Variants in MIDEAS observed in about 807,000 individuals in gnomAD.
The protein encoded by MIDEAS is mitotic deacetylase-associated SANT domain protein.
Under a neutral mutation model 102.7 loss-of-function variants are expected in MIDEAS, and 26 were observed. The ratio of observed to expected loss-of-function variants is 0.25; its 90% CI spans 0.19 to 0.35. The LOEUF (loss-of-function observed/expected upper bound fraction) is 0.35. Among genes scored for constraint, MIDEAS ranks in the 10% least tolerant of loss-of-function variants. The pLI, the probability that MIDEAS is intolerant of heterozygous loss-of-function variation, is 1.00. For missense variants in MIDEAS, 1,231 were observed against 1,435.6 expected (o/e 0.86, Z 2.30); for synonymous variants, 585 against 591.0 (o/e 0.99, Z 0.15).
At position 73,739,313 on chromosome 14, in the gene MIDEAS, C is replaced by T. The variant is rs766828024; in HGVS notation, c.696G>A (p.Gln232=). The change falls in exon 2 of 13, where the codon CAG becomes CAA. Residue 232 remains glutamine (Q), a synonymous_variant. Coordinates refer to ENST00000423556, the MANE Select transcript of MIDEAS (RefSeq NM_001367710.1). ...GHQVNRQVFR[Q]GPPPPNPVAA... ...CCACCGGGTTTGGGGGCGGTGGGCCCTGCCGGAAGACCTGCCGGTTCACCT... is the reference window on the plus strand; with the variant it reads ...CCACCGGGTTTGGGGGCGGTGGGCCTTGCCGGAAGACCTGCCGGTTCACCT... 1.9e-6 allele frequency: 3 copies of T among 1,610,292 alleles called. No homozygotes were observed. The highest frequency in any genetic ancestry group is 2.5e-6 in the Non-Finnish European group (3 of 1,178,808).
intron 1 of MIDEAS, among the ~76,000 whole-genome samples, chr14:73,757,133 G>A (rs1272512532): frequency 1.3e-5 from 2 of 151,774 alleles, no homozygotes; most frequent in East Asian, 3.9e-4. Flanking sequence ...TTAGCCAGGT[G>A]TGGTGATGTG....
chr14:73,740,281 G>A (rs775077034), intron 1 of MIDEAS, 26 bp from the exon 2 acceptor site: 8 of 406,070 alleles, frequency 2.0e-5, no homozygotes, highest in Non-Finnish European at 3.0e-5. Flanking sequence ...CAGTGACAGT[G>A]TCAGCCACAG....
chr14:73,728,254 T>TAAAAAAAAAAA (rs11318877), intron 4 of MIDEAS: 1 of 127,970 alleles, frequency 7.8e-6, no homozygotes, highest in African/African-American at 3.0e-5. Flanking sequence ...CTCCTTTGCT[T>TAAAAAAAAAAA]AAAAAAAAAA....
intron 1 of MIDEAS, among the ~76,000 whole-genome samples, chr14:73,772,749 T>C (rs1451700850): frequency 6.6e-6 from 1 of 151,206 alleles, no homozygotes; most frequent in East Asian, 1.9e-4. Flanking sequence ...AGAGCAATAC[T>C]AATAGATCAA....
chr14:73,784,602 C>T (rs2053789354), intron 1 of MIDEAS, among the ~76,000 whole-genome samples: 1 of 152,150 alleles, frequency 6.6e-6, no homozygotes, highest in Non-Finnish European at 1.5e-5. Flanking sequence ...GGGAACGATC[C>T]CTTCTCCTGC....
chr14:73,745,773 C>G (rs2053343618), intron 1 of MIDEAS, among the ~76,000 whole-genome samples: 1 of 152,216 alleles, frequency 6.6e-6, no homozygotes, highest in South Asian at 2.1e-4. Context: ...CACATAAGCA[C>G]TATTCTCAAG....
chr14:73,732,908 T>C (rs1342101821), intron 3 of MIDEAS, among the ~76,000 whole-genome samples: 5 of 144,258 alleles, frequency 3.5e-5, no homozygotes, highest in Non-Finnish European at 6.0e-5. Context: ...CTGGCCAACA[T>C]AGTGAAACCC....
At chr14:73,749,570 T>C (rs1424388251) in intron 1 of MIDEAS, among the ~76,000 whole-genome samples, 1 of 147,488 alleles carries the variant, frequency 6.8e-6, no homozygotes, top group Non-Finnish European at 1.5e-5. Context: ...TTTTATATAT[T>C]ATATAATATA....
chr14:73,779,823 C>T (rs1294990968), intron 1 of MIDEAS, among the ~76,000 whole-genome samples: 4 of 144,726 alleles, frequency 2.8e-5, no homozygotes, highest in Non-Finnish European at 6.1e-5. Flanking sequence ...ATGATCCACC[C>T]GCCTCGGCCT....
Position 73,759,004 on chromosome 14 carries a change from G to A in MIDEAS, c.-248+759C>T, listed in dbSNP as rs1311714481. 6.6e-6 allele frequency among the ~76,000 whole-genome samples: 1 copy of A among 152,174 alleles called. No homozygotes were observed. The highest frequency in any genetic ancestry group is 1.5e-5 in the Non-Finnish European group (1 of 68,006). On this transcript the variant is annotated intron_variant, in intron 1 of 12. Coordinates refer to ENST00000423556, the MANE Select transcript of MIDEAS (RefSeq NM_001367710.1). The surrounding 1 kb of genome is among the most constrained non-coding windows in gnomAD (Gnocchi z 6.7). ...CCGAATCCCGGGTTTCGGCGCTGCC[G>A]CCAGGCACCAGGGAACACAGCTCCC...
intron 5 of MIDEAS, 70 bp downstream of exon 5, chr14:73,727,388 G>A: frequency 3.9e-6 from 6 of 1,539,480 alleles, no homozygotes; most frequent in Non-Finnish European, 5.4e-6. Context: ...GTTGCTCCCA[G>A]GGCCCACCTG....
rs758516444 is a variant in MIDEAS, at chr14:73,739,660, T to C, written c.349A>G (p.Ser117Gly). 5.0e-6 allele frequency: 8 copies of C among 1,613,872 alleles called. No homozygotes were observed. The Admixed American group carries it at 1.3e-4, about 27-fold the overall frequency. Reference sequence around the variant, plus strand: ...GGCTGCTGCTGCCAGCTGCTGTCACTGACACCCCCACCTCCTCCACGCTCC... The same window carrying C: ...GGCTGCTGCTGCCAGCTGCTGTCACCGACACCCCCACCTCCTCCACGCTCC... Reference protein sequence around the residue: ...GPERGGGGGVSDSSWQQQPGQ... With the variant: ...GPERGGGGGVGDSSWQQQPGQ... Residue 117 changes from serine to glycine, a missense_variant, in exon 2 of 13, where the codon AGT becomes GGT. By Grantham distance (56) the Ser-to-Gly change is moderately conservative. This residue lies in a region of MIDEAS where 758 missense variants were observed against 856.0 expected (regional missense o/e 0.89). Transcript: ENST00000423556.
intron 3 of MIDEAS, 124 bp downstream of exon 3, chr14:73,736,874 A>G: frequency 9.7e-7 from 1 of 1,025,910 alleles, no homozygotes; most frequent in East Asian, 2.5e-5. Context: ...TTGGAAAATA[A>G]AAATAGTATC....
intron 1 of MIDEAS, among the ~76,000 whole-genome samples, chr14:73,744,509 T>C (rs573077663): frequency 6.6e-6 from 1 of 152,254 alleles, no homozygotes; most frequent in East Asian, 1.9e-4. Context: ...CCCACTCTTA[T>C]AGCCTGGGCA....
At chr14:73,744,970 T>A (rs1195688839) in intron 1 of MIDEAS, among the ~76,000 whole-genome samples, 2 of 152,130 alleles carry the variant, frequency 1.3e-5, no homozygotes, top group Admixed American at 1.3e-4. Flanking sequence ...GACAGCAGGC[T>A]CCACGGGGCA....
chr14:73,771,874 T>C (rs2053645382), intron 1 of MIDEAS, among the ~76,000 whole-genome samples: 1 of 152,240 alleles, frequency 6.6e-6, no homozygotes. Context: ...AGGAGGTCAA[T>C]TAGCAAAGCA....
At chr14:73,756,595 C>T (rs1310485351) in intron 1 of MIDEAS, among the ~76,000 whole-genome samples, 1 of 152,208 alleles carries the variant, frequency 6.6e-6, no homozygotes, top group Non-Finnish European at 1.5e-5. Context: ...CTTCCTGCCA[C>T]CTGCAGTGAG....
chr14:73,715,486 T>C lies in MIDEAS; in HGVS notation c.*3357A>G, dbSNP rs2052872023. ...AATTACAGACTGTCAAGGCTGTTCCTGTGCTCTGTCCCCTCCAACAAAGCC... is the reference window on the plus strand; with the variant it reads ...AATTACAGACTGTCAAGGCTGTTCCCGTGCTCTGTCCCCTCCAACAAAGCC... On this transcript the variant is annotated 3_prime_UTR_variant, in exon 13 of 13. Transcript: ENST00000423556. The C allele has an allele frequency of 2.6e-5, 4 of 152,682 alleles. No homozygotes were observed. The South Asian group carries it at 8.3e-4, about 32-fold the overall frequency. 9.5% of individuals were successfully genotyped at this position (152,682 alleles called of 1,614,324 possible).
At chr14:73,740,324 G>GT (rs925600852) in intron 1 of MIDEAS, 69 bp from the exon 2 acceptor site, 1 of 399,918 alleles carries the variant, frequency 2.5e-6, no homozygotes, top group Non-Finnish European at 4.4e-6. Context: ...CAGCACAAGT[G>GT]TAAGAAAAGG....
Sources: allele counts gnomAD v4.1 joint callset (sites outside exome capture counted in the v4.1 genomes callset), GRCh38; gene constraint gnomAD v4.1.1; regional missense constraint gnomAD v4.1.1; non-coding constraint Gnocchi (gnomAD v3.1); transcripts MANE v1.5; gene names NCBI Gene and HGNC (gene_info 2026-07-23, HGNC 2026-07-21).